KIF11: variants seen among roughly 807,000 people sequenced by gnomAD.
The protein encoded by KIF11 is kinesin-like protein KIF11.
KIF11 carries 9 observed loss-of-function variants against 121.0 expected under a neutral mutation model. The ratio of observed to expected loss-of-function variants is 0.07; its 90% CI spans 0.04 to 0.13. KIF11 has a LOEUF of 0.13. Among genes scored for constraint, KIF11 ranks in the 10% least tolerant of loss-of-function variants. KIF11 has a pLI of 1.00. For missense variants in KIF11, 846 were observed against 1,217.5 expected (o/e 0.69, Z 4.54); for synonymous variants, 408 against 421.0 (o/e 0.97, Z 0.38).
chr10:92,632,780 G>A (rs910648244), intron 13 of KIF11, 87 bp downstream of exon 13: 13 of 737,946 alleles, frequency 1.8e-5, no homozygotes, highest in East Asian at 1.1e-4. Flanking sequence ...CATAGATGAC[G>A]GTGTCACCAA....
chr10:92,624,712 C>T (rs12258463), intron 10 of KIF11, among the ~76,000 whole-genome samples: 12,418 of 150,688 alleles, frequency 0.082, 586 homozygotes, highest in Middle Eastern at 0.12. Context: ...ATTTATATTC[C>T]TTTGGGTATA....
chr10:92,634,143 C>T (rs1438183734), intron 14 of KIF11, among the ~76,000 whole-genome samples: 2 of 151,942 alleles, frequency 1.3e-5, no homozygotes, highest in African/African-American at 4.8e-5. Context: ...ACCACCACAC[C>T]CGGCTAATTT....
intron 1 of KIF11, among the ~76,000 whole-genome samples, chr10:92,599,713 C>T (rs1382304656): frequency 5.0e-5 from 7 of 140,000 alleles, no homozygotes; most frequent in East Asian, 2.2e-4. Context: ...AGTGCAGTGG[C>T]GCGATCTCGG....
chr10:92,631,561 C>T (rs1844739246), intron 12 of KIF11, among the ~76,000 whole-genome samples: 1 of 150,144 alleles, frequency 6.7e-6, no homozygotes, highest in South Asian at 2.1e-4. Flanking sequence ...CGGGGTTTCA[C>T]CTTGTTAGCC....
At position 92,613,239 on chromosome 10, in the gene KIF11, T is replaced by C. The variant is rs576670427; in HGVS notation, c.789+109T>C. 4.7e-6 allele frequency: 5 copies of C among 1,061,066 alleles called. No homozygotes were observed. In the South Asian group the frequency reaches 8.0e-5, roughly 17 times the overall value. 65.7% of individuals were successfully genotyped at this position (1,061,066 alleles called of 1,614,324 possible). A position where few individuals can be genotyped will look rare whatever the true frequency, so the allele number is the denominator to read the frequency against. On this transcript the variant is annotated intron_variant, in intron 7 of 21. Coordinates refer to ENST00000260731, the MANE Select transcript of KIF11 (RefSeq NM_004523.4). This position sits in a 1 kb window ranked among gnomAD's most constrained non-coding sequence, Gnocchi z 4.2. ...TGTGGTCACTGGGTGATTAGCTTTG[T>C]AGTGGGAGAAGAAATTTGTTAATTA...
intron 1 of KIF11, among the ~76,000 whole-genome samples, chr10:92,595,462 G>A (rs544730800): frequency 1.3e-5 from 2 of 152,046 alleles, no homozygotes; most frequent in South Asian, 4.2e-4. Context: ...GGCCAGGTTT[G>A]ACCCACAGGT....
intron 17 of KIF11, among the ~76,000 whole-genome samples, chr10:92,643,776 T>C (rs1159206025): frequency 6.6e-6 from 1 of 152,138 alleles, no homozygotes; most frequent in Non-Finnish European, 1.5e-5. Flanking sequence ...CAGGCTAGTC[T>C]CAAACTCCTG....
At chr10:92,595,832 C>T (rs902655942) in intron 1 of KIF11, among the ~76,000 whole-genome samples, 1 of 152,084 alleles carries the variant, frequency 6.6e-6, no homozygotes, top group Non-Finnish European at 1.5e-5. Flanking sequence ...AGTATTTATC[C>T]TTTTGTGACT....
At chr10:92,628,313 T>A (rs977604889) in intron 10 of KIF11, among the ~76,000 whole-genome samples, 4 of 152,204 alleles carry the variant, frequency 2.6e-5, no homozygotes. Flanking sequence ...GTAATTGCTC[T>A]GTATACATAC....
chr10:92,645,950 CTTT>C (rs33915127), intron 18 of KIF11, among the ~76,000 whole-genome samples: 20 of 101,700 alleles, frequency 2.0e-4, no homozygotes, highest in South Asian at 6.8e-4. Flanking sequence ...CTTATATATG[CTTT>C]TTTTTTTTTT....
intron 1 of KIF11, among the ~76,000 whole-genome samples, chr10:92,595,698 C>G (rs975299270): frequency 6.6e-6 from 1 of 152,132 alleles, no homozygotes; most frequent in Non-Finnish European, 1.5e-5. Flanking sequence ...TCATGAAAAA[C>G]TGAAACTCTA....
chr10:92,651,502 A>ATTTTGTT (rs1844979427), intron 21 of KIF11, among the ~76,000 whole-genome samples: 6 of 21,560 alleles, frequency 2.8e-4, no homozygotes, highest in Admixed American at 6.4e-4. Context: ...TGCCTGGCTA[A>ATTTTGTT]TTTTGTTTTT....
chr10:92,639,041 T>C (rs1367055168), intron 16 of KIF11, among the ~76,000 whole-genome samples: 5 of 152,252 alleles, frequency 3.3e-5, no homozygotes, highest in African/African-American at 1.2e-4. Flanking sequence ...ATTTTGTTAA[T>C]ATGATCCAAC....
intron 10 of KIF11, 36 bp from the exon 11 acceptor site, chr10:92,628,771 AT>A (rs767056640): frequency 3.5e-6 from 4 of 1,154,158 alleles, no homozygotes; most frequent in Admixed American, 2.1e-5. Flanking sequence ...TTAGAAAAAA[AT>A]ATTAACTGTT....
chr10:92,637,734 G>A (rs907331799), intron 16 of KIF11, among the ~76,000 whole-genome samples, 189 bp downstream of exon 16: 5 of 152,184 alleles, frequency 3.3e-5, no homozygotes, highest in African/African-American at 9.7e-5. Flanking sequence ...AATATTTGAA[G>A]TTTTGCTACA....
At chr10:92,620,848 C>T (rs931143626) in intron 9 of KIF11, among the ~76,000 whole-genome samples, 3 of 152,232 alleles carry the variant, frequency 2.0e-5, no homozygotes, top group Admixed American at 2.0e-4. Flanking sequence ...CCCTACGATT[C>T]AGTCATCTCC....
intron 1 of KIF11, among the ~76,000 whole-genome samples, chr10:92,600,199 T>G (rs2135896890): frequency 6.6e-6 from 1 of 151,978 alleles, no homozygotes; most frequent in Admixed American, 6.6e-5. Flanking sequence ...GAGATAGGGT[T>G]TCATCATGTT....
intron 14 of KIF11, among the ~76,000 whole-genome samples, chr10:92,636,486 G>A (rs949115909): frequency 1.6e-4 from 24 of 151,740 alleles, no homozygotes; most frequent in African/African-American, 5.1e-4. Context: ...CGTGGTAGCA[G>A]GTGCCTGTAA....
intron 4 of KIF11, 129 bp from the exon 5 acceptor site, chr10:92,608,891 C>CTTTTT: frequency 3.7e-6 from 2 of 540,302 alleles, no homozygotes; most frequent in South Asian, 3.3e-5. Context: ...TTAGTTGTTT[C>CTTTTT]TTTTTTTGTT....
Sources: allele counts gnomAD v4.1 joint callset (sites outside exome capture counted in the v4.1 genomes callset), GRCh38; gene constraint gnomAD v4.1.1; non-coding constraint Gnocchi (gnomAD v3.1); transcripts MANE v1.5; gene names NCBI Gene and HGNC (gene_info 2026-07-23, HGNC 2026-07-21).